The following CACNA1C variants were observed in gnomAD, a reference collection of about 807,000 sequenced individuals.
CACNA1C encodes the protein calcium voltage-gated channel subunit alpha1 C, also known as voltage-dependent L-type calcium channel subunit alpha-1C.
A neutral mutation model predicts 229.0 loss-of-function variants in CACNA1C; 30 were observed. The observed-to-expected ratio is 0.13, with a 90% CI of 0.10 to 0.18. The LOEUF is 0.18. Ranked by LOEUF, CACNA1C falls within the 10% of genes least tolerant of loss-of-function variation. The pLI, the probability that CACNA1C is intolerant of heterozygous loss-of-function variation, is 1.00. For missense variants in CACNA1C, 1,658 were observed against 2,845.0 expected (o/e 0.58, Z 9.49); for synonymous variants, 1,114 against 1,132.5 (o/e 0.98, Z 0.33).
At chr12:2,551,992 A>C (rs1001697812) in intron 10 of CACNA1C, among the ~76,000 whole-genome samples, 3 of 152,180 alleles carry the variant, frequency 2.0e-5, no homozygotes, top group Non-Finnish European at 2.9e-5. Flanking sequence ...GATGAAAACT[A>C]CCAATGAGGT....
intron 9 of CACNA1C, among the ~76,000 whole-genome samples, chr12:2,522,510 C>T (rs1303017252): frequency 6.6e-6 from 1 of 152,068 alleles, no homozygotes; most frequent in Non-Finnish European, 1.5e-5. Flanking sequence ...AATGATTTGG[C>T]GTTGAGAAAG....
rs762638992 is a variant in CACNA1C, at chr12:2,142,456, T to G, written c.477+22026T>G. ...ACAGTACACAATACTTGATAATAAA[T>G]GACTGTTACTGATTTACGTATTTAC... On this transcript the variant is annotated intron_variant, in intron 3 of 46. Transcript: ENST00000399655. Among the ~76,000 whole-genome samples, 11 of 151,298 alleles carry G rather than the reference T, an allele frequency of 7.3e-5. 1 individual carries two copies. The highest frequency in any genetic ancestry group is 1.6e-4 in the Non-Finnish European group (11 of 67,626).
rs1044752355 is a variant in CACNA1C at position 2,630,341 on chromosome 12, CAGAG to C, written c.3829-3952_3829-3949del. ...CAGCAACCGAGGGGGCGGGCAAAAA[CAGAG>C]AGAAGAGAGATGAGACAGCATCAAG... On this transcript the variant is annotated intron_variant, in intron 29 of 46. Coordinates refer to ENST00000399655, the MANE Select transcript of CACNA1C (RefSeq NM_000719.7). The surrounding 1 kb of genome is among the most constrained non-coding windows in gnomAD (Gnocchi z 5.4). 1.3e-5 allele frequency among the ~76,000 whole-genome samples: 2 copies of C among 152,068 alleles called. No homozygotes were observed. The highest frequency in any genetic ancestry group is 2.4e-5 in the African/African-American group (1 of 41,402).
intron 3 of CACNA1C, among the ~76,000 whole-genome samples, chr12:2,341,617 A>T (rs1178050853): frequency 6.6e-6 from 1 of 152,190 alleles, no homozygotes; most frequent in Non-Finnish European, 1.5e-5. Flanking sequence ...GATGTCTGTC[A>T]TTGTCTTCTT....
At position 2,354,071 on chromosome 12, in the gene CACNA1C, G is replaced by A. The variant is rs570744521; in HGVS notation, c.478-94905G>A. On this transcript the variant is annotated intron_variant, in intron 3 of 46. Transcript: ENST00000399655. The surrounding 1 kb of genome is among the most constrained non-coding windows in gnomAD (Gnocchi z 4.6). ...ACCACTGCAGGGTCCCGGGAGCTGG[G>A]TGAAAGTGGCAGAGCTGGGAGGTTG... 1.3e-5 allele frequency among the ~76,000 whole-genome samples: 2 copies of A among 152,350 alleles called. 1 individual carries two copies. Among genetic ancestry groups the A allele is most frequent in the African/African-American group, 4.8e-5 (2 of 41,584 alleles).
intron 1 of CACNA1C, among the ~76,000 whole-genome samples, chr12:2,016,606 T>A (rs2154485502): frequency 6.6e-6 from 1 of 152,236 alleles, no homozygotes; most frequent in South Asian, 2.1e-4. Context: ...TTTTTTGTAT[T>A]TTTAGTAGAG....
At chr12:2,534,404 G>T (rs1036066788) in intron 9 of CACNA1C, among the ~76,000 whole-genome samples, 1 of 152,220 alleles carries the variant, frequency 6.6e-6, no homozygotes, top group African/African-American at 2.4e-5. Flanking sequence ...TGAAGTCCCT[G>T]CTGAGAAAGA....
intron 13 of CACNA1C, among the ~76,000 whole-genome samples, chr12:2,579,918 G>T (rs1228065094): frequency 1.3e-5 from 2 of 152,148 alleles, no homozygotes; most frequent in South Asian, 2.1e-4. Context: ...TTGATCACCG[G>T]GCAGGCTTGG....
chr12:2,086,610 T>G (rs989797296), intron 1 of CACNA1C, among the ~76,000 whole-genome samples: 1 of 152,222 alleles, frequency 6.6e-6, no homozygotes, highest in Non-Finnish European at 1.5e-5. Flanking sequence ...GACAGTCCAG[T>G]GCAGTTACTC....
intron 1 of CACNA1C, among the ~76,000 whole-genome samples, chr12:2,013,656 T>A (rs1179968856): frequency 6.6e-6 from 1 of 152,224 alleles, no homozygotes; most frequent in East Asian, 1.9e-4. Flanking sequence ...CTGTTGTGAC[T>A]GTCTTTGGAG....
Position 2,108,247 on chromosome 12 carries a change from TG to T in CACNA1C, c.50-6976del, listed in dbSNP as rs1187332715. Among the ~76,000 whole-genome samples the T allele has an allele frequency of 6.6e-6, 1 of 152,194 alleles. No homozygotes were observed. Among genetic ancestry groups the T allele is most frequent in the Non-Finnish European group, 1.5e-5 (1 of 68,028 alleles). On this transcript the variant is annotated intron_variant, in intron 1 of 46. Coordinates refer to ENST00000399655, the MANE Select transcript of CACNA1C (RefSeq NM_000719.7). The surrounding 1 kb of genome is among the most constrained non-coding windows in gnomAD (Gnocchi z 5.3). ...TAGGGGCTTATACAATAATTGGAAA[TG>T]CTGCAAGAGCAGGCTTTAGGCCGGG...
In CACNA1C at chr12:2,688,447, G is replaced by A. The variant is rs367594886; in HGVS notation, c.5785G>A (p.Ala1929Thr). The change falls in exon 46 of 47, where the codon GCA (alanine) becomes ACA (threonine). Residue 1929 changes from alanine to threonine, a missense_variant and splice_region_variant. By Grantham distance (58) the Ala-to-Thr change is moderately conservative. Around this residue, in one of 20 missense-constraint regions of CACNA1C, gnomAD observed 590 missense variants for 700.8 expected, o/e 0.84. Coordinates refer to ENST00000399655, the MANE Select transcript of CACNA1C (RefSeq NM_000719.7). The part of the protein sequence containing the change: ...VLPLHLVHHQ[A>T]LAVAGLSPLL... ...ACTCACACTCCTTGTGTGTCCGCAG[G>A]CATTGGCAGTGGCAGGCCTGAGCCC... 1 of 1,613,678 alleles carries A rather than the reference G, an allele frequency of 6.2e-7. No individual in the cohort carries two copies. The highest frequency in any genetic ancestry group is 1.3e-5 in the African/African-American group (1 of 74,940).
At chr12:2,448,841 G>A in intron 3 of CACNA1C, 135 bp from the exon 4 acceptor site, 1 of 648,742 alleles carries the variant, frequency 1.5e-6, no homozygotes, top group Non-Finnish European at 2.6e-6. Context: ...AATTTGGCCT[G>A]GGTGTCCCCA....
intron 3 of CACNA1C, among the ~76,000 whole-genome samples, chr12:2,429,617 G>C (rs766315344): frequency 1.3e-5 from 2 of 152,142 alleles, no homozygotes; most frequent in Admixed American, 1.3e-4. Context: ...AAAGCTCTTC[G>C]TAGCCTGCAG....
Position 2,666,623 on chromosome 12 carries a change from C to T in CACNA1C, c.4527-63C>T. On this transcript the variant is annotated intron_variant, in intron 36 of 46. Coordinates refer to ENST00000399655, the MANE Select transcript of CACNA1C (RefSeq NM_000719.7). This position sits in a 1 kb window ranked among gnomAD's most constrained non-coding sequence, Gnocchi z 5.3. ...GCCCTACCCCTCAGGCGCATGCGTC[C>T]TGGGCTGCTGGCAGAGACCGTGGCT... The T allele has an allele frequency of 2.8e-6, 3 of 1,088,146 alleles. No homozygotes were observed. The highest frequency in any genetic ancestry group is 2.8e-6 in the Non-Finnish European group (2 of 726,686). The allele number at this position is 1,088,146 out of a possible 1,614,324, so 67.4% of individuals were successfully genotyped here.
chr12:2,511,994 C>CA (rs2099785197), intron 8 of CACNA1C, among the ~76,000 whole-genome samples: 1 of 152,146 alleles, frequency 6.6e-6, no homozygotes, highest in African/African-American at 2.4e-5. Context: ...GCCCCCAGGA[C>CA]ATTTTCTTGT....
intron 1 of CACNA1C, among the ~76,000 whole-genome samples, chr12:1,977,869 C>T (rs1210787224): frequency 6.6e-6 from 1 of 152,010 alleles, no homozygotes; most frequent in African/African-American, 2.4e-5. Flanking sequence ...AACTTTGGAG[C>T]TTTGGAAGAC....
chr12:2,053,208 C>T lies in CACNA1C; in HGVS notation c.-355C>T, dbSNP rs567675513. ...GGCCCAGGCGGGCCCCGCGCGCCCC[C>T]CGCCCCTCCTCTCCGCCTCTTCTCG... On this transcript the variant is annotated 5_prime_UTR_variant, in exon 1 of 47. Transcript: ENST00000399655. This position sits in a 1 kb window ranked among gnomAD's most constrained non-coding sequence, Gnocchi z 5.8. 10 of 1,008,946 alleles carry T rather than the reference C, an allele frequency of 9.9e-6. No individual in the cohort carries two copies. The South Asian group carries it at 2.1e-4, about 22-fold the overall frequency. The allele number at this position is 1,008,946 out of a possible 1,614,324, so 62.5% of individuals were successfully genotyped here. A position where few individuals can be genotyped will look rare whatever the true frequency, so the allele number is the denominator to read the frequency against.
chr12:2,469,857 A>G (rs1230082698), intron 5 of CACNA1C, among the ~76,000 whole-genome samples: 1 of 152,214 alleles, frequency 6.6e-6, no homozygotes, highest in Non-Finnish European at 1.5e-5. Flanking sequence ...AAATTGTTAG[A>G]CTTACCTTCT....
Sources: gnomAD v4.1 joint callset for allele counts (sites outside exome capture counted in the v4.1 genomes callset) on GRCh38, gnomAD v4.1.1 for gene constraint, gnomAD v4.1.1 regional missense constraint, Gnocchi (gnomAD v3.1) non-coding constraint, MANE v1.5 for transcripts, NCBI Gene and HGNC (gene_info 2026-07-23, HGNC 2026-07-21) for gene names.